The following PTAR1 variants were observed in gnomAD, a reference collection of about 807,000 sequenced individuals.
The protein encoded by PTAR1 is protein prenyltransferase alpha subunit repeat containing 1.
A neutral mutation model predicts 45.5 loss-of-function variants in PTAR1; 17 were observed. That is an observed-to-expected ratio of 0.37 (90% confidence interval 0.26 to 0.56). The LOEUF (loss-of-function observed/expected upper bound fraction) is 0.56, where lower values mean the gene tolerates loss of function less well. PTAR1 is among the 20% of genes least tolerant of loss of function. PTAR1 has a pLI of 0.77. For synonymous variants in PTAR1, 169 were observed against 171.3 expected, an observed-to-expected ratio of 0.99 and a Z score of 0.11; for missense variants, 391 against 476.3, an observed-to-expected ratio of 0.82 and a Z score of 1.67.
intron 6 of PTAR1, 38 bp downstream of exon 6, chr9:69,723,288 G>A: frequency 1.3e-6 from 2 of 1,551,350 alleles, no homozygotes; most frequent in Non-Finnish European, 1.8e-6. Flanking sequence ...ATGAAGACAT[G>A]CAGTTTTGTG....
chr9:69,731,878 T>C (rs1037159903), intron 5 of PTAR1: 4 of 485,746 alleles, frequency 8.2e-6, no homozygotes, highest in South Asian at 2.6e-5. Context: ...AAGTGAGTTA[T>C]GCTCAATCTT....
In PTAR1 at chr9:69,759,997, A is replaced by G. The variant is rs1414266990; in HGVS notation, c.-59T>C. 2 of 1,348,426 alleles carry G rather than the reference A, an allele frequency of 1.5e-6. No homozygotes were observed. Among genetic ancestry groups the G allele is most frequent in the South Asian group, 1.7e-5 (1 of 59,370 alleles). 83.5% of individuals were successfully genotyped at this position (1,348,426 alleles called of 1,614,324 possible). On this transcript the variant is annotated 5_prime_UTR_variant, in exon 1 of 8. Coordinates refer to ENST00000340434, the MANE Select transcript of PTAR1 (RefSeq NM_001099666.2). ...CCGCGTGAGCCGGGCCGCCGGCGGG[A>G]GTTCCGCGGAGAACGAGCGCGCGCG...
intron 5 of PTAR1, among the ~76,000 whole-genome samples, chr9:69,727,054 T>G (rs188931241): frequency 2.7e-4 from 37 of 136,610 alleles, no homozygotes; most frequent in African/African-American, 9.5e-4. Flanking sequence ...CACACACACG[T>G]ATACACACAC....
At chr9:69,751,091 T>C (rs1826509041) in intron 1 of PTAR1, 141 bp from the exon 2 acceptor site, 2 of 633,926 alleles carry the variant, frequency 3.2e-6, no homozygotes, top group Admixed American at 6.1e-5. Flanking sequence ...CTGGGATTGG[T>C]AGATGCTAAT....
chr9:69,740,155 T>C (rs936378463), intron 3 of PTAR1, among the ~76,000 whole-genome samples: 1 of 152,152 alleles, frequency 6.6e-6, no homozygotes, highest in African/African-American at 2.4e-5. Context: ...AACTGGTTTA[T>C]AGGATATACA....
intron 3 of PTAR1, 132 bp from the exon 4 acceptor site, chr9:69,734,386 G>C: frequency 1.0e-4 from 42 of 406,314 alleles, no homozygotes; most frequent in East Asian, 2.2e-4. Context: ...AAAAAAGAAA[G>C]AAAAAAAGCC....
At chr9:69,739,143 G>T (rs1227770585) in intron 3 of PTAR1, among the ~76,000 whole-genome samples, 1 of 151,980 alleles carries the variant, frequency 6.6e-6, no homozygotes. Flanking sequence ...ATTGAATCCT[G>T]GAGAAGTTCA....
In PTAR1 at chr9:69,718,378, A is replaced by T. The variant is rs1295397358; in HGVS notation, c.1173T>A (p.Ser391Arg). 6.2e-7 allele frequency: 1 copy of T among 1,612,204 alleles called. No individual in the cohort carries two copies. The highest frequency in any genetic ancestry group is 8.5e-7 in the Non-Finnish European group (1 of 1,178,740). Residue 391 changes from serine (S) to arginine (R), a missense_variant, in exon 8 of 8, where the codon AGT (serine) becomes AGA (arginine). Physicochemically the swap from Ser to Arg is moderately radical, Grantham distance 110. Transcript: ENST00000340434. ...CRNVEQARFA[S>R]AYRKWLVTLS... Reference sequence around the variant, plus strand: ...AAGTAACCAGCCATTTCCTGTATGCACTGGCAAACCTGGCTTGCTCCACGT... The same window carrying T: ...AAGTAACCAGCCATTTCCTGTATGCTCTGGCAAACCTGGCTTGCTCCACGT...
intron 1 of PTAR1, among the ~76,000 whole-genome samples, chr9:69,756,643 CCTCT>C (rs1347287665): frequency 3.3e-5 from 5 of 152,122 alleles, no homozygotes; most frequent in Admixed American, 6.6e-5. Context: ...TCTCTGGCTC[CCTCT>C]GAGACTACAA....
intron 2 of PTAR1, among the ~76,000 whole-genome samples, chr9:69,742,228 GGT>G (rs1279574008): frequency 6.6e-6 from 1 of 151,966 alleles, no homozygotes; most frequent in African/African-American, 2.4e-5. Flanking sequence ...AAGTATTGAC[GGT>G]GTGTGCGAAT....
intron 5 of PTAR1, among the ~76,000 whole-genome samples, chr9:69,728,328 A>G (rs184320984): frequency 2.6e-4 from 40 of 152,284 alleles, no homozygotes; most frequent in African/African-American, 7.9e-4. Context: ...ATGGTAATGC[A>G]TGTTTTTCTC....
chr9:69,725,322 G>T (rs1306015261), intron 5 of PTAR1, among the ~76,000 whole-genome samples: 6 of 152,104 alleles, frequency 3.9e-5, no homozygotes, highest in Admixed American at 3.9e-4. Flanking sequence ...GTGCGTGGTG[G>T]CTCATACCTG....
chr9:69,741,761 C>CT (rs764336406), intron 3 of PTAR1, 31 bp downstream of exon 3: 35 of 1,497,474 alleles, frequency 2.3e-5, no homozygotes, highest in Admixed American at 3.7e-5. Context: ...TTTGGACAAA[C>CT]TTTATCATAT....
chr9:69,747,301 T>C (rs1588478963), intron 2 of PTAR1, among the ~76,000 whole-genome samples: 1 of 152,322 alleles, frequency 6.6e-6, no homozygotes, highest in East Asian at 1.9e-4. Flanking sequence ...TAATTATTGC[T>C]TCCTGAAGCA....
intron 5 of PTAR1, among the ~76,000 whole-genome samples, chr9:69,724,524 G>A (rs1825176071): frequency 6.6e-6 from 1 of 152,178 alleles, no homozygotes. Flanking sequence ...AATACAGACA[G>A]CATAATGCTG....
At position 69,716,045 on chromosome 9, in the gene PTAR1, G is replaced by C. The variant is rs943159732; in HGVS notation, c.*2297C>G. 1 of 152,080 alleles carries C rather than the reference G, an allele frequency of 6.6e-6. No individual in the cohort carries two copies. Among genetic ancestry groups the C allele is most frequent in the Non-Finnish European group, 1.5e-5 (1 of 68,000 alleles). 9.4% of individuals were successfully genotyped at this position (152,080 alleles called of 1,614,324 possible). On this transcript the variant is annotated 3_prime_UTR_variant, in exon 8 of 8. Transcript: ENST00000340434. ...TCAGTGGAAGGTACACAAAGGCATG[G>C]AGCACTATAAAACTTAGCTAGTGTT...
At chr9:69,732,973 A>G (rs1484460692) in intron 4 of PTAR1, among the ~76,000 whole-genome samples, 2 of 152,172 alleles carry the variant, frequency 1.3e-5, no homozygotes, top group African/African-American at 2.4e-5. Flanking sequence ...AAAAAACACT[A>G]AATAGTGTTT....
chr9:69,715,934 A>G lies in PTAR1; in HGVS notation c.*2408T>C, dbSNP rs1824711419. Reference sequence around the variant, plus strand: ...TTTTAGGAAGGAAACAAGACATATTAAAGGACTGTGCGGCTTCAGAAAAGA... The same window carrying G: ...TTTTAGGAAGGAAACAAGACATATTGAAGGACTGTGCGGCTTCAGAAAAGA... On this transcript the variant is annotated 3_prime_UTR_variant, in exon 8 of 8. Transcript: ENST00000340434. 6.6e-6 allele frequency: 1 copy of G among 152,128 alleles called. No homozygotes were observed. Among genetic ancestry groups the G allele is most frequent in the Non-Finnish European group, 1.5e-5 (1 of 68,006 alleles). The allele number at this position is 152,128 out of a possible 1,614,324, so 9.4% of individuals were successfully genotyped here.
intron 2 of PTAR1, 129 bp downstream of exon 2, chr9:69,750,652 C>T (rs1397079535): frequency 1.5e-6 from 1 of 646,756 alleles, no homozygotes. Context: ...AAGGTTAGCA[C>T]CCACCGAGAC....
Sources: gnomAD v4.1 joint callset for allele counts (sites outside exome capture counted in the v4.1 genomes callset) on GRCh38, gnomAD v4.1.1 for gene constraint, MANE v1.5 for transcripts, NCBI Gene and HGNC (gene_info 2026-07-23, HGNC 2026-07-21) for gene names.